The following EPM2A variants were observed in gnomAD, a reference collection of about 807,000 sequenced individuals.
EPM2A encodes the protein laforin.
EPM2A carries 21 observed loss-of-function variants against 26.5 expected under a neutral mutation model. The observed-to-expected ratio is 0.79, with a 90% CI of 0.56 to 1.14. The LOEUF (loss-of-function observed/expected upper bound fraction) is 1.14. Among genes scored for constraint, EPM2A ranks in the 50% most tolerant of loss-of-function variants. The pLI, the probability that EPM2A is intolerant of heterozygous loss-of-function variation, is 0.00. For synonymous variants in EPM2A, 217 were observed against 177.6 expected (o/e 1.22, Z -1.76); for missense variants, 458 against 440.8 (o/e 1.04, Z -0.35).
At chr6:145,543,706 A>G (rs931063936) in intron 2 of EPM2A, among the ~76,000 whole-genome samples, 5 of 152,206 alleles carry the variant, frequency 3.3e-5, no homozygotes, top group African/African-American at 1.2e-4. Context: ...CCTGAATACT[A>G]AGACATTGAC....
chr6:145,408,722 T>A (rs553850027), intron 4 of EPM2A, among the ~76,000 whole-genome samples: 1 of 152,292 alleles, frequency 6.6e-6, no homozygotes, highest in African/African-American at 2.4e-5. Context: ...TGAAAATGCC[T>A]TGGGTAATTT....
intron 1 of EPM2A, among the ~76,000 whole-genome samples, chr6:145,711,015 A>G (rs1458127843): frequency 6.6e-6 from 1 of 151,228 alleles, no homozygotes; most frequent in African/African-American, 2.4e-5. Context: ...AGATATACCT[A>G]ATGTTAAATG....
At chr6:145,717,581 C>A (rs956644481) in intron 1 of EPM2A, among the ~76,000 whole-genome samples, 7 of 152,170 alleles carry the variant, frequency 4.6e-5, no homozygotes, top group Non-Finnish European at 8.8e-5. Flanking sequence ...CCTCTCTCAC[C>A]GCTCCTATTC....
At chr6:145,675,562 A>G (rs577813398) in intron 2 of EPM2A, among the ~76,000 whole-genome samples, 5 of 152,208 alleles carry the variant, frequency 3.3e-5, no homozygotes, top group Non-Finnish European at 1.5e-5. Context: ...AGAGATACAC[A>G]TAGGCTCAAA....
intron 2 of EPM2A, among the ~76,000 whole-genome samples, chr6:145,654,883 T>G (rs1480794808): frequency 6.6e-6 from 1 of 152,228 alleles, no homozygotes; most frequent in Non-Finnish European, 1.5e-5. Context: ...CTTACTTCAC[T>G]TGTATAAAGT....
intron 4 of EPM2A, among the ~76,000 whole-genome samples, chr6:145,439,801 T>C (rs76857104): frequency 0.077 from 11,769 of 152,290 alleles, 499 homozygotes; most frequent in African/African-American, 0.11. Flanking sequence ...TCATATGCTG[T>C]GCAGAATCTC....
At chr6:145,603,591 A>G (rs1781444846) in intron 2 of EPM2A, among the ~76,000 whole-genome samples, 1 of 152,214 alleles carries the variant, frequency 6.6e-6, no homozygotes, top group South Asian at 2.1e-4. Flanking sequence ...AAGAAAATGA[A>G]AGTGCTTATT....
At chr6:145,593,488 C>T (rs1161091565) in intron 2 of EPM2A, among the ~76,000 whole-genome samples, 1 of 152,050 alleles carries the variant, frequency 6.6e-6, no homozygotes, top group East Asian at 1.9e-4. Flanking sequence ...AAATTCTTCT[C>T]ATATTACATA....
intron 2 of EPM2A, among the ~76,000 whole-genome samples, chr6:145,574,002 G>C (rs1266943779): frequency 6.6e-6 from 1 of 152,092 alleles, no homozygotes; most frequent in Non-Finnish European, 1.5e-5. Context: ...CAGTTACCCT[G>C]GTAAAAGGCT....
intron 4 of EPM2A, among the ~76,000 whole-genome samples, chr6:145,458,243 A>G (rs933477802): frequency 6.6e-6 from 1 of 152,166 alleles, no homozygotes; most frequent in Non-Finnish European, 1.5e-5. Context: ...AGTTCTCCCC[A>G]TGCAATGATA....
intron 2 of EPM2A, among the ~76,000 whole-genome samples, chr6:145,607,095 T>C (rs557889832): frequency 6.6e-6 from 1 of 152,276 alleles, no homozygotes; most frequent in East Asian, 1.9e-4. Flanking sequence ...AAGCCTCTCC[T>C]TGTGTTACCT....
At chr6:145,727,980 A>T (rs1335554691) in intron 1 of EPM2A, among the ~76,000 whole-genome samples, 1 of 152,008 alleles carries the variant, frequency 6.6e-6, no homozygotes, top group Non-Finnish European at 1.5e-5. Context: ...TTCTCATGAG[A>T]TCTGGTTGTT....
intron 1 of EPM2A, among the ~76,000 whole-genome samples, chr6:145,689,041 T>G (rs1781110683): frequency 6.6e-6 from 1 of 152,218 alleles, no homozygotes; most frequent in African/African-American, 2.4e-5. Context: ...AAAAATATAA[T>G]TGTTGAAGAG....
intron 4 of EPM2A, among the ~76,000 whole-genome samples, chr6:145,430,929 C>T (rs377332245): frequency 6.6e-6 from 1 of 152,228 alleles, no homozygotes; most frequent in East Asian, 1.9e-4. Flanking sequence ...GAATGCTAAA[C>T]TATTAATTAT....
chr6:145,522,862 T>C (rs1355680342), intron 2 of EPM2A, among the ~76,000 whole-genome samples: 2 of 152,114 alleles, frequency 1.3e-5, no homozygotes, highest in East Asian at 3.9e-4. Flanking sequence ...TAACTCTTTA[T>C]CTTTGCAAAG....
chr6:145,597,176 G>A (rs1781357672), intron 2 of EPM2A, among the ~76,000 whole-genome samples: 1 of 151,190 alleles, frequency 6.6e-6, no homozygotes, highest in Non-Finnish European at 1.5e-5. Context: ...TTACAGGCGT[G>A]AGCCACCGCG....
chr6:145,697,854 C>T (rs555664088), intron 1 of EPM2A, among the ~76,000 whole-genome samples: 45 of 152,258 alleles, frequency 3.0e-4, no homozygotes, highest in African/African-American at 1.1e-3. Context: ...AACACACATG[C>T]TGTACAAACA....
At chr6:145,653,630 TAC>T (rs1778050098) in intron 2 of EPM2A, among the ~76,000 whole-genome samples, 1 of 152,180 alleles carries the variant, frequency 6.6e-6, no homozygotes, top group African/African-American at 2.4e-5. Flanking sequence ...CTCCCATGAT[TAC>T]AGAGTCTGAC....
intron 2 of EPM2A, chr6:145,640,576 G>A (rs201191483): frequency 6.6e-5 from 10 of 151,730 alleles, no homozygotes; most frequent in African/African-American, 2.2e-4. Flanking sequence ...AATTTAAAAG[G>A]AAAGAAAAAA....
Sources: gnomAD v4.1 joint callset for allele counts (sites outside exome capture counted in the v4.1 genomes callset) on GRCh38, gnomAD v4.1.1 for gene constraint, MANE v1.5 for transcripts, NCBI Gene and HGNC (gene_info 2026-07-23, HGNC 2026-07-21) for gene names.